Variants in GABRA1 observed in about 807,000 individuals in gnomAD.
GABRA1 encodes gamma-aminobutyric acid receptor subunit alpha-1.
Under a neutral mutation model 48.9 loss-of-function variants are expected in GABRA1, and 9 were observed. That is an observed-to-expected ratio of 0.18 (90% CI 0.11 to 0.32). The LOEUF is 0.32. Among genes scored for constraint, GABRA1 ranks in the 10% least tolerant of loss-of-function variants. GABRA1 has a pLI of 1.00. For missense variants in GABRA1, 285 were observed against 553.8 expected, an observed-to-expected ratio of 0.51 and a Z score of 4.87; for synonymous variants, 210 against 198.7, an observed-to-expected ratio of 1.06 and a Z score of -0.48.
chr5:161,864,384 T>C (rs1476829836), intron 3 of GABRA1, among the ~76,000 whole-genome samples: 2 of 152,052 alleles, frequency 1.3e-5, no homozygotes, highest in East Asian at 1.9e-4. Context: ...GGAATATCTC[T>C]GATTCAAAAT....
chr5:161,869,999 A>G (rs573698752), intron 4 of GABRA1, among the ~76,000 whole-genome samples: 1 of 152,298 alleles, frequency 6.6e-6, no homozygotes, highest in African/African-American at 2.4e-5. Context: ...TGTGTTGATA[A>G]AATAATAAAA....
At chr5:161,852,017 A>G (rs1757464454) in intron 2 of GABRA1, among the ~76,000 whole-genome samples, 1 of 152,130 alleles carries the variant, frequency 6.6e-6, no homozygotes, top group Non-Finnish European at 1.5e-5. Context: ...CATTGGGATG[A>G]GTGTTTAATA....
At chr5:161,870,332 C>A (rs375613919) in intron 4 of GABRA1, among the ~76,000 whole-genome samples, 1 of 151,938 alleles carries the variant, frequency 6.6e-6, no homozygotes, top group African/African-American at 2.4e-5. Context: ...GAGGCCGAGG[C>A]GGGCGGATCA....
At chr5:161,853,879 G>A (rs1162547116) in intron 2 of GABRA1, among the ~76,000 whole-genome samples, 1 of 151,614 alleles carries the variant, frequency 6.6e-6, no homozygotes. Flanking sequence ...CAGAGAAGAC[G>A]TGCATTGCAA....
In GABRA1 at chr5:161,875,605, T is replaced by A. The variant is rs1216592199; in HGVS notation, c.522T>A (p.Pro174=). The change falls in exon 6 of 10, where the codon CCT becomes CCA. Residue 174 remains proline (P), a synonymous_variant. Transcript: ENST00000393943. ...GTCCGATGCATTTGGAGGACTTCCC[T>A]ATGGATGCCCATGCTTGCCCACTAA... The part of the protein sequence containing the change: ...AECPMHLEDF[P]MDAHACPLKF... 6.2e-7 allele frequency: 1 copy of A among 1,613,492 alleles called. No individual in the cohort carries two copies. Among genetic ancestry groups the A allele is most frequent in the African/African-American group, 1.3e-5 (1 of 74,910 alleles).
intron 7 of GABRA1, among the ~76,000 whole-genome samples, chr5:161,889,249 G>A (rs1327832779): frequency 6.6e-6 from 1 of 151,974 alleles, no homozygotes; most frequent in African/African-American, 2.4e-5. Context: ...GAAGAAAATG[G>A]AGAAACAAAT....
At position 161,898,296 on chromosome 5, in the gene GABRA1, T is replaced by A. The variant is rs1755464334; in HGVS notation, c.*874T>A. On this transcript the variant is annotated 3_prime_UTR_variant, in exon 10 of 10. Coordinates refer to ENST00000393943, the MANE Select transcript of GABRA1 (RefSeq NM_001127644.2). ...ACTTAATTCTCATTATGAAGATGTT[T>A]TTAGAGGGGCAAAAATATTTTGCAA... 1 of 152,602 alleles carries A rather than the reference T, an allele frequency of 6.6e-6. No homozygotes were observed. Among genetic ancestry groups the A allele is most frequent in the South Asian group, 2.1e-4 (1 of 4,836 alleles). The allele number at this position is 152,602 out of a possible 1,614,324, so 9.5% of individuals were successfully genotyped here. A position where few individuals can be genotyped will look rare whatever the true frequency, so the allele number is the denominator to read the frequency against.
Position 161,886,009 on chromosome 5 carries a change from C to T in GABRA1, c.703+3308C>T, listed in dbSNP as rs1754829135. ...ATAGCTAACATGCATTGGCACTGTT[C>T]TATTCTTCAGATCTAATACTCACAA... On this transcript the variant is annotated intron_variant, in intron 7 of 9. Transcript: ENST00000393943. 6.6e-5 allele frequency among the ~76,000 whole-genome samples: 10 copies of T among 152,238 alleles called. No individual in the cohort carries two copies. In the South Asian group the frequency reaches 1.9e-3, roughly 28 times the overall value.
intron 7 of GABRA1, among the ~76,000 whole-genome samples, chr5:161,887,072 C>T (rs75548571): frequency 7.2e-5 from 11 of 152,174 alleles, no homozygotes; most frequent in Non-Finnish European, 1.5e-4. Flanking sequence ...TAATGTAATG[C>T]CATGCAATGT....
At chr5:161,861,376 T>G (rs1757853330) in intron 3 of GABRA1, among the ~76,000 whole-genome samples, 1 of 151,888 alleles carries the variant, frequency 6.6e-6, no homozygotes, top group East Asian at 1.9e-4. Flanking sequence ...AATATACATT[T>G]TTTTCTAAAG....
At chr5:161,872,503 T>C (rs940858939) in intron 4 of GABRA1, among the ~76,000 whole-genome samples, 1 of 148,624 alleles carries the variant, frequency 6.7e-6, no homozygotes, top group African/African-American at 2.6e-5. Context: ...AGGATTCAAA[T>C]TACCAGTAGA....
chr5:161,891,948 C>A (rs1033492276), intron 8 of GABRA1, among the ~76,000 whole-genome samples: 3 of 152,176 alleles, frequency 2.0e-5, no homozygotes, highest in African/African-American at 7.2e-5. Context: ...AAAACAAATT[C>A]TATCTACTAT....
chr5:161,870,651 A>AAG (rs1754073684), intron 4 of GABRA1, among the ~76,000 whole-genome samples: 1 of 151,984 alleles, frequency 6.6e-6, no homozygotes, highest in Admixed American at 6.6e-5. Context: ...GAAAGAAAGA[A>AAG]AAAGAAAGAA....
chr5:161,877,706 A>G (rs1348878466), intron 6 of GABRA1, among the ~76,000 whole-genome samples: 1 of 152,206 alleles, frequency 6.6e-6, no homozygotes, highest in Non-Finnish European at 1.5e-5. Context: ...CAACCTGAAG[A>G]ATATTAGAGG....
chr5:161,885,796 TA>T (rs1469913202), intron 7 of GABRA1, among the ~76,000 whole-genome samples: 1 of 152,108 alleles, frequency 6.6e-6, no homozygotes, highest in Non-Finnish European at 1.5e-5. Flanking sequence ...GGCAGAGAAA[TA>T]GGCAAACGGG....
chr5:161,870,612 AGAAAGAAAGAC>A (rs1419360485), intron 4 of GABRA1, among the ~76,000 whole-genome samples: 8 of 151,536 alleles, frequency 5.3e-5, no homozygotes, highest in South Asian at 2.1e-4. Context: ...AAAGAAAGGA[AGAAAGAAAGAC>A]AGACAGACAG....
chr5:161,898,596 A>G lies in GABRA1; in HGVS notation c.*1174A>G, dbSNP rs1480474920. Reference sequence around the variant, plus strand: ...AAGTATGAACCACATGGAACTTAAAACATATGGGTGTGAAGTCCACTTATG... The same window carrying G: ...AAGTATGAACCACATGGAACTTAAAGCATATGGGTGTGAAGTCCACTTATG... On this transcript the variant is annotated 3_prime_UTR_variant, in exon 10 of 10. Coordinates refer to ENST00000393943, the MANE Select transcript of GABRA1 (RefSeq NM_001127644.2). 2 of 152,236 alleles carry G rather than the reference A, an allele frequency of 1.3e-5. No homozygotes were observed. Among genetic ancestry groups the G allele is most frequent in the Non-Finnish European group, 2.9e-5 (2 of 68,002 alleles). 9.4% of individuals were successfully genotyped at this position (152,236 alleles called of 1,614,324 possible).
At chr5:161,890,796 G>T in intron 7 of GABRA1, 102 bp from the exon 8 acceptor site, 1 of 1,031,308 alleles carries the variant, frequency 9.7e-7, no homozygotes. Flanking sequence ...ATGGAGAAAG[G>T]ATGTGTCTAA....
intron 5 of GABRA1, 80 bp downstream of exon 5, chr5:161,873,417 A>ATT: frequency 1.8e-6 from 2 of 1,130,104 alleles, no homozygotes; most frequent in Non-Finnish European, 2.7e-6. Flanking sequence ...CAGGCTGATG[A>ATT]GCCATGGTGG....
Sources: allele counts gnomAD v4.1 joint callset (sites outside exome capture counted in the v4.1 genomes callset), GRCh38; gene constraint gnomAD v4.1.1; transcripts MANE v1.5; gene names NCBI Gene and HGNC (gene_info 2026-07-23, HGNC 2026-07-21).